The following ARHGEF10L variants were observed in gnomAD, a reference collection of about 807,000 sequenced individuals.
ARHGEF10L encodes Rho guanine nucleotide exchange factor 10 like, also known as rho guanine nucleotide exchange factor 10-like protein.
In ARHGEF10L, 69 loss-of-function variants were observed where a neutral mutation model predicts 141.2. The observed-to-expected ratio is 0.49, with a 90% confidence interval of 0.40 to 0.60. The LOEUF (loss-of-function observed/expected upper bound fraction) is 0.60. Among genes scored for constraint, ARHGEF10L ranks in the 20% least tolerant of loss-of-function variants. The pLI, the probability that ARHGEF10L is intolerant of heterozygous loss-of-function variation, is 0.00. For synonymous variants in ARHGEF10L, 711 were observed against 718.5 expected (o/e 0.99, Z 0.17); for missense variants, 1,482 against 1,734.3 (o/e 0.85, Z 2.58).
intron 22 of ARHGEF10L, among the ~76,000 whole-genome samples, chr1:17,653,912 A>G (rs577205096): frequency 3.3e-4 from 50 of 152,354 alleles, no homozygotes; most frequent in African/African-American, 1.0e-3. Flanking sequence ...TATTCTAACA[A>G]TGGGTCCAGG....
intron 11 of ARHGEF10L, 37 bp from the exon 12 acceptor site, chr1:17,622,959 G>A (rs56127204): frequency 0.015 from 24,514 of 1,588,122 alleles, 249 homozygotes; most frequent in South Asian, 0.029. Flanking sequence ...GAGAGGCTGC[G>A]GCCTGGCCTG....
At chr1:17,602,007 C>G in intron 4 of ARHGEF10L, 120 bp from the exon 5 acceptor site, 7 of 874,100 alleles carry the variant, frequency 8.0e-6, no homozygotes, top group Non-Finnish European at 1.0e-5. Context: ...TCAGGTCTCC[C>G]CAGCAGCCTG....
chr1:17,601,069 C>A (rs796216516), intron 4 of ARHGEF10L, among the ~76,000 whole-genome samples: 21,970 of 128,066 alleles, frequency 0.17, 1,992 homozygotes, highest in African/African-American at 0.32. Flanking sequence ...AAAAAAAAAA[C>A]AAAAAACAAA....
At chr1:17,533,935 A>G in the ARHGEF10L span, among the ~76,000 whole-genome samples, 1 of 151,812 alleles carries the variant, frequency 6.6e-6, no homozygotes, top group Non-Finnish European at 1.5e-5. Context: ...CGGGAAGTCC[A>G]CATTCCCATC....
At chr1:17,585,774 CA>C (rs753712692) in intron 2 of ARHGEF10L, among the ~76,000 whole-genome samples, 5 of 152,138 alleles carry the variant, frequency 3.3e-5, no homozygotes, top group Non-Finnish European at 7.4e-5. Flanking sequence ...TCTGCTGGAC[CA>C]TCTGCCCATC....
At chr1:17,626,814 A>G (rs944940730) in intron 14 of ARHGEF10L, among the ~76,000 whole-genome samples, 3 of 152,188 alleles carry the variant, frequency 2.0e-5, no homozygotes, top group Non-Finnish European at 2.9e-5. Context: ...CTGTGTCTCT[A>G]TGACTCTGAC....
chr1:17,694,726 C>G (rs2065360344), intron 27 of ARHGEF10L: 1 of 354,124 alleles, frequency 2.8e-6, no homozygotes, highest in East Asian at 7.7e-5. Flanking sequence ...TGCCTTCCAT[C>G]TGCACCAACA....
intron 16 of ARHGEF10L, chr1:17,634,256 T>G: frequency 1.8e-6 from 1 of 546,652 alleles, no homozygotes; most frequent in South Asian, 2.2e-5. Context: ...GGCCCGGTTT[T>G]GGGGAATCAG....
chr1:17,691,965 AG>A (rs553267986), intron 27 of ARHGEF10L, among the ~76,000 whole-genome samples: 7 of 152,284 alleles, frequency 4.6e-5, no homozygotes, highest in Middle Eastern at 3.4e-3. Context: ...GCCCTCACAA[AG>A]CTTGTCATAA....
At chr1:17,528,792 G>A in the ARHGEF10L span, among the ~76,000 whole-genome samples, 8 of 152,160 alleles carry the variant, frequency 5.3e-5, no homozygotes, top group African/African-American at 1.9e-4. Context: ...ATAGTACTTG[G>A]TGCTAGGCTT....
intron 1 of ARHGEF10L, among the ~76,000 whole-genome samples, chr1:17,576,992 C>T (rs939343988): frequency 3.9e-5 from 6 of 152,220 alleles, no homozygotes; most frequent in Non-Finnish European, 7.3e-5. Flanking sequence ...CTGGTTCTGA[C>T]ATGCCATGCT....
At chr1:17,579,745 T>C (rs1375017968) in intron 1 of ARHGEF10L, among the ~76,000 whole-genome samples, 1 of 152,074 alleles carries the variant, frequency 6.6e-6, no homozygotes, top group Non-Finnish European at 1.5e-5. Flanking sequence ...CAGGGTGCAT[T>C]CTCTCCTCCA....
chr1:17,675,562 T>C (rs1461248498), intron 26 of ARHGEF10L, among the ~76,000 whole-genome samples: 1 of 149,410 alleles, frequency 6.7e-6, no homozygotes, highest in Non-Finnish European at 1.5e-5. Flanking sequence ...TGCGTGCAGA[T>C]GTGTGTGCAG....
At chr1:17,580,409 C>T in intron 1 of ARHGEF10L, 144 bp from the exon 2 acceptor site, 2 of 662,008 alleles carry the variant, frequency 3.0e-6, no homozygotes, top group Non-Finnish European at 5.4e-6. Context: ...TTTATGAAGG[C>T]TGGAGGCTGG....
At chr1:17,541,384 G>T (rs1186337416) in intron 1 of ARHGEF10L, among the ~76,000 whole-genome samples, 1 of 152,078 alleles carries the variant, frequency 6.6e-6, no homozygotes, top group Non-Finnish European at 1.5e-5. Context: ...TCAGAACAGT[G>T]CCTGGTGCAT....
At chr1:17,587,390 A>G in intron 2 of ARHGEF10L, 70 bp from the exon 3 acceptor site, 2 of 1,505,318 alleles carry the variant, frequency 1.3e-6, no homozygotes, top group South Asian at 1.3e-5. Flanking sequence ...ATGCCCACCT[A>G]CCCCAGCCAT....
At chr1:17,592,432 T>C (rs572801889) in intron 4 of ARHGEF10L, among the ~76,000 whole-genome samples, 2 of 152,250 alleles carry the variant, frequency 1.3e-5, no homozygotes, top group African/African-American at 4.8e-5. Flanking sequence ...TGTTGGCTAG[T>C]GTCTCTCATT....
chr1:17,683,124 C>T (rs1461297216), intron 26 of ARHGEF10L, among the ~76,000 whole-genome samples: 2 of 149,074 alleles, frequency 1.3e-5, no homozygotes, highest in Admixed American at 6.6e-5. Flanking sequence ...CCGGGGTGCT[C>T]ACTGCCCCCT....
chr1:17,650,992 G>A (rs541282799), intron 22 of ARHGEF10L, among the ~76,000 whole-genome samples: 32 of 152,310 alleles, frequency 2.1e-4, no homozygotes, highest in Non-Finnish European at 4.1e-4. Context: ...TTTGTCTCTT[G>A]ATACATAAAG....
Sources: gnomAD v4.1 joint callset for allele counts (sites outside exome capture counted in the v4.1 genomes callset) on GRCh38, gnomAD v4.1.1 for gene constraint, MANE v1.5 for transcripts, NCBI Gene and HGNC (gene_info 2026-07-23, HGNC 2026-07-21) for gene names.